The following FMNL2 variants were observed in gnomAD, a reference collection of about 807,000 sequenced individuals.
FMNL2 encodes the protein formin like 2.
In FMNL2, 51 loss-of-function variants were observed where a neutral mutation model predicts 130.2. The observed-to-expected ratio is 0.39, with a 90% CI of 0.31 to 0.49. The LOEUF is 0.49. Ranked by LOEUF, FMNL2 falls within the 20% of genes least tolerant of loss-of-function variation. The probability of loss-of-function intolerance (pLI) is 0.85; values close to 1 mark genes in which losing one functional copy is unlikely to be tolerated. For missense variants in FMNL2, 977 were observed against 1,316.2 expected, an observed-to-expected ratio of 0.74 and a Z score of 3.99; for synonymous variants, 465 against 467.1, an observed-to-expected ratio of 1.00 and a Z score of 0.06.
At chr2:152,588,603 C>T (rs1260007594) in intron 9 of FMNL2, among the ~76,000 whole-genome samples, 2 of 152,026 alleles carry the variant, frequency 1.3e-5, no homozygotes, top group Non-Finnish European at 2.9e-5. Flanking sequence ...CATCATTCAG[C>T]CTGTCACACC....
intron 1 of FMNL2, among the ~76,000 whole-genome samples, chr2:152,498,171 A>C (rs1300055648): frequency 1.3e-5 from 2 of 152,212 alleles, no homozygotes; most frequent in African/African-American, 4.8e-5. Context: ...TTAGGAGGAG[A>C]TGATAATATA....
At chr2:152,505,284 T>C (rs1187009952) in intron 1 of FMNL2, among the ~76,000 whole-genome samples, 1 of 152,088 alleles carries the variant, frequency 6.6e-6, no homozygotes, top group Non-Finnish European at 1.5e-5. Flanking sequence ...AGAAAAAATA[T>C]AGTGTTAATG....
intron 1 of FMNL2, among the ~76,000 whole-genome samples, chr2:152,493,244 C>T (rs1344412106): frequency 6.6e-6 from 1 of 152,194 alleles, no homozygotes; most frequent in Admixed American, 6.5e-5. Flanking sequence ...ATTGTTTTCT[C>T]ATCAAACTTC....
intron 2 of FMNL2, among the ~76,000 whole-genome samples, chr2:152,538,108 G>A (rs563444162): frequency 1.3e-4 from 20 of 152,228 alleles, no homozygotes; most frequent in African/African-American, 4.6e-4. Context: ...AAAGTTAATT[G>A]TATTTGAAAT....
chr2:152,349,981 T>A (rs1320839483), intron 1 of FMNL2, among the ~76,000 whole-genome samples: 1 of 152,168 alleles, frequency 6.6e-6, no homozygotes, highest in East Asian at 1.9e-4. Context: ...CGATTGAACG[T>A]CTGCTCCCAA....
chr2:152,640,938 G>A, intron 25 of FMNL2, 24 bp downstream of exon 25: 2 of 1,612,492 alleles, frequency 1.2e-6, no homozygotes, highest in Non-Finnish European at 1.7e-6. Flanking sequence ...CTTCACTGTG[G>A]CCCATGGAGA....
chr2:152,589,703 A>G lies in FMNL2; in HGVS notation c.876+8654A>G, dbSNP rs1470830881. Among the ~76,000 whole-genome samples the G allele has an allele frequency of 8.5e-5, 13 of 152,176 alleles. No individual in the cohort carries two copies. The East Asian group carries it at 2.5e-3, about 29-fold the overall frequency. On this transcript the variant is annotated intron_variant, in intron 9 of 25. Coordinates refer to ENST00000288670, the MANE Select transcript of FMNL2 (RefSeq NM_052905.4). Reference sequence around the variant, plus strand: ...CAGCTTTGGCAATATCACCAACTCTAAAAAGCATTTGAATGGAAGTTTTCA... The same window carrying G: ...CAGCTTTGGCAATATCACCAACTCTGAAAAGCATTTGAATGGAAGTTTTCA...
chr2:152,601,310 T>TC (rs1698041939), intron 9 of FMNL2, among the ~76,000 whole-genome samples: 1 of 149,336 alleles, frequency 6.7e-6, no homozygotes, highest in Non-Finnish European at 1.5e-5. Context: ...TTTCTTTTTT[T>TC]TTTTTTTTGA....
At chr2:152,416,380 A>G (rs1686614856) in intron 1 of FMNL2, among the ~76,000 whole-genome samples, 1 of 152,208 alleles carries the variant, frequency 6.6e-6, no homozygotes, top group Non-Finnish European at 1.5e-5. Flanking sequence ...CTAGTAACTA[A>G]TAGTAACTAC....
At chr2:152,486,366 G>T (rs961967385) in intron 1 of FMNL2, among the ~76,000 whole-genome samples, 3 of 152,162 alleles carry the variant, frequency 2.0e-5, no homozygotes, top group African/African-American at 7.2e-5. Flanking sequence ...TATTTACATA[G>T]CTGGGTTGGT....
At chr2:152,385,174 T>C (rs1354165349) in intron 1 of FMNL2, among the ~76,000 whole-genome samples, 1 of 152,224 alleles carries the variant, frequency 6.6e-6, no homozygotes, top group African/African-American at 2.4e-5. Context: ...CCTTGAACCA[T>C]GAAGCAACTC....
intron 1 of FMNL2, among the ~76,000 whole-genome samples, chr2:152,479,896 G>A (rs554046749): frequency 3.7e-4 from 55 of 150,530 alleles, no homozygotes; most frequent in African/African-American, 1.3e-3. Context: ...CTTTTTTTTT[G>A]GTAGAGATGG....
intron 6 of FMNL2, among the ~76,000 whole-genome samples, chr2:152,572,762 A>G (rs1166092817): frequency 6.6e-6 from 1 of 151,856 alleles, no homozygotes; most frequent in African/African-American, 2.4e-5. Context: ...ACATGGTATC[A>G]ACATCATGCG....
At chr2:152,491,991 G>A (rs1424117067) in intron 1 of FMNL2, among the ~76,000 whole-genome samples, 1 of 152,168 alleles carries the variant, frequency 6.6e-6, no homozygotes, top group Non-Finnish European at 1.5e-5. Context: ...GTAAAATAGA[G>A]TTATACTGAG....
chr2:152,422,058 T>G (rs990338441), intron 1 of FMNL2, among the ~76,000 whole-genome samples: 1 of 152,206 alleles, frequency 6.6e-6, no homozygotes, highest in African/African-American at 2.4e-5. Flanking sequence ...TGAAATCATC[T>G]AATCACCTTT....
chr2:152,350,625 GTA>G (rs1682425756), intron 1 of FMNL2, among the ~76,000 whole-genome samples: 1 of 152,192 alleles, frequency 6.6e-6, no homozygotes, highest in South Asian at 2.1e-4. Flanking sequence ...GACAGGCAAG[GTA>G]TTACGGAAGA....
chr2:152,512,013 C>G (rs890258888), intron 1 of FMNL2, among the ~76,000 whole-genome samples: 2 of 152,086 alleles, frequency 1.3e-5, no homozygotes, highest in African/African-American at 4.8e-5. Context: ...CTCTGGATTT[C>G]GATGCATTTT....
intron 1 of FMNL2, among the ~76,000 whole-genome samples, chr2:152,445,287 C>T (rs1195423648): frequency 6.6e-6 from 1 of 152,198 alleles, no homozygotes; most frequent in African/African-American, 2.4e-5. Flanking sequence ...GCAGTGGACA[C>T]CTGGGAAACG....
intron 1 of FMNL2, among the ~76,000 whole-genome samples, chr2:152,451,339 G>A (rs578022056): frequency 2.0e-5 from 3 of 152,032 alleles, no homozygotes; most frequent in South Asian, 4.2e-4. Context: ...TAGTAGATAC[G>A]GGGTTTCACC....
Sources: allele counts gnomAD v4.1 joint callset (sites outside exome capture counted in the v4.1 genomes callset), GRCh38; gene constraint gnomAD v4.1.1; transcripts MANE v1.5; gene names NCBI Gene and HGNC (gene_info 2026-07-23, HGNC 2026-07-21).